Variants in EPHB1 observed in about 807,000 individuals in gnomAD.
EPHB1 encodes EPH receptor B1.
In EPHB1, 30 loss-of-function variants were observed where a neutral mutation model predicts 94.4. The observed-to-expected ratio is 0.32, with a 90% CI of 0.24 to 0.43. The LOEUF is 0.43. Ranked by LOEUF, EPHB1 falls within the 20% of genes least tolerant of loss-of-function variation. The probability of loss-of-function intolerance (pLI) is 1.00; values close to 1 mark genes in which losing one functional copy is unlikely to be tolerated. For missense variants in EPHB1, 1,055 were observed against 1,308.3 expected (o/e 0.81, Z 2.99); for synonymous variants, 522 against 489.1 (o/e 1.07, Z -0.89).
intron 3 of EPHB1, among the ~76,000 whole-genome samples, chr3:134,993,566 A>G (rs1934890657): frequency 1.3e-5 from 2 of 152,172 alleles, no homozygotes; most frequent in Non-Finnish European, 2.9e-5. Flanking sequence ...GCCCCAGTAC[A>G]AGGAGCCCAG....
chr3:134,902,816 C>T (rs776514423), intron 1 of EPHB1, among the ~76,000 whole-genome samples: 2 of 152,170 alleles, frequency 1.3e-5, no homozygotes, highest in Non-Finnish European at 2.9e-5. Flanking sequence ...GGCTCTTGGG[C>T]TTTATTTATG....
intron 1 of EPHB1, among the ~76,000 whole-genome samples, chr3:134,915,898 G>A (rs1341503045): frequency 6.6e-6 from 1 of 152,312 alleles, no homozygotes; most frequent in East Asian, 1.9e-4. Context: ...TCCACAGGGT[G>A]GGAGGGGACC....
intron 3 of EPHB1, among the ~76,000 whole-genome samples, chr3:134,970,458 C>T (rs1046335338): frequency 6.6e-6 from 1 of 152,178 alleles, no homozygotes; most frequent in South Asian, 2.1e-4. Flanking sequence ...CTTCAACAGC[C>T]TCCCATCTCC....
At chr3:135,143,269 T>A (rs1940891480) in intron 5 of EPHB1, among the ~76,000 whole-genome samples, 1 of 152,118 alleles carries the variant, frequency 6.6e-6, no homozygotes, top group Non-Finnish European at 1.5e-5. Flanking sequence ...AGAGTGGGCA[T>A]GGCAGGATGG....
At chr3:134,950,237 T>A (rs916019171) in intron 2 of EPHB1, among the ~76,000 whole-genome samples, 5 of 152,242 alleles carry the variant, frequency 3.3e-5, no homozygotes, top group African/African-American at 1.2e-4. Flanking sequence ...ACTTTTCTAA[T>A]GTGAATCATG....
chr3:134,853,341 G>C (rs944393394), intron 1 of EPHB1, among the ~76,000 whole-genome samples: 1 of 152,188 alleles, frequency 6.6e-6, no homozygotes, highest in African/African-American at 2.4e-5. Context: ...GACTCCTCAG[G>C]GCATGTAGGG....
intron 12 of EPHB1, among the ~76,000 whole-genome samples, chr3:135,207,671 G>C (rs1378753339): frequency 6.6e-6 from 1 of 152,212 alleles, no homozygotes; most frequent in Non-Finnish European, 1.5e-5. Context: ...GAGACTTAAA[G>C]AACAGTCACT....
intron 3 of EPHB1, among the ~76,000 whole-genome samples, chr3:135,019,488 T>C (rs1381242373): frequency 6.6e-6 from 1 of 152,176 alleles, no homozygotes; most frequent in Non-Finnish European, 1.5e-5. Flanking sequence ...TCTTTTCTAA[T>C]CACAGAAATA....
chr3:135,204,854 T>C (rs2107714179), intron 12 of EPHB1, among the ~76,000 whole-genome samples: 1 of 150,692 alleles, frequency 6.6e-6, no homozygotes, highest in East Asian at 1.9e-4. Flanking sequence ...AGTTACCCTG[T>C]TTTGCTATCA....
chr3:135,226,177 C>T (rs966074871), intron 12 of EPHB1, among the ~76,000 whole-genome samples: 1 of 152,200 alleles, frequency 6.6e-6, no homozygotes, highest in Non-Finnish European at 1.5e-5. Flanking sequence ...CATGGTCCAG[C>T]CTACACTACG....
At chr3:134,909,119 G>GGGGT (rs1354057493) in intron 1 of EPHB1, among the ~76,000 whole-genome samples, 1 of 117,130 alleles carries the variant, frequency 8.5e-6, no homozygotes, top group African/African-American at 3.1e-5. Context: ...TGGGGGCGGG[G>GGGGT]GGCGGGCTGG....
At chr3:134,814,724 G>T (rs547538292) in intron 1 of EPHB1, among the ~76,000 whole-genome samples, 1 of 152,340 alleles carries the variant, frequency 6.6e-6, no homozygotes, top group Admixed American at 6.5e-5. Flanking sequence ...TGTGAGGGAA[G>T]GCTCTGCATC....
intron 3 of EPHB1, among the ~76,000 whole-genome samples, chr3:135,001,762 T>A (rs756975388): frequency 2.6e-5 from 4 of 152,198 alleles, no homozygotes; most frequent in Non-Finnish European, 5.9e-5. Context: ...TCTTTCCTCA[T>A]AATGTATCTT....
chr3:135,020,892 TGA>T (rs1430724624), intron 3 of EPHB1, among the ~76,000 whole-genome samples: 1 of 152,216 alleles, frequency 6.6e-6, no homozygotes, highest in African/African-American at 2.4e-5. Flanking sequence ...AGTAATAGGG[TGA>T]GAGTCTAATT....
At position 135,241,137 on chromosome 3, in the gene EPHB1, C is replaced by G. The variant is rs1010933736; in HGVS notation, c.2347-11C>G. 6.2e-7 allele frequency: 1 copy of G among 1,614,188 alleles called. No individual in the cohort carries two copies. Among genetic ancestry groups the G allele is most frequent in the East Asian group, 2.2e-5 (1 of 44,876 alleles). On this transcript the variant is annotated splice_polypyrimidine_tract_variant and intron_variant, in intron 12 of 15. Transcript: ENST00000398015. ...GATTGTTGGGCTGACCACGGTTTCT[C>G]CTTCTTTCAGGGAGGGAAGATCCCT... is the stretch of plus-strand genomic sequence containing the variant.
intron 1 of EPHB1, among the ~76,000 whole-genome samples, chr3:134,870,084 G>C (rs1406097607): frequency 1.3e-5 from 2 of 152,174 alleles, no homozygotes; most frequent in Non-Finnish European, 2.9e-5. Context: ...AGTTATTAGT[G>C]CTTGGGTTTC....
intron 3 of EPHB1, among the ~76,000 whole-genome samples, chr3:134,977,730 T>A (rs7615874): frequency 0.017 from 2,600 of 152,148 alleles, 80 homozygotes; most frequent in African/African-American, 0.06. Context: ...TCCAGCCCCC[T>A]CCATCATTGG....
chr3:134,953,418 G>A (rs939629976), intron 3 of EPHB1, among the ~76,000 whole-genome samples: 57 of 152,362 alleles, frequency 3.7e-4, no homozygotes, highest in African/African-American at 1.3e-3. Context: ...AGGAGAGAGA[G>A]TGCCAGATCT....
Position 134,959,966 on chromosome 3 carries a change from CTTTTTTTTTTTTTTTTTTTTTTTT to C in EPHB1, c.805+7933_805+7956del, listed in dbSNP as rs61369813. 3.4e-4 allele frequency among the ~76,000 whole-genome samples: 36 copies of C among 107,422 alleles called. No individual in the cohort carries two copies. In the East Asian group the frequency reaches 4.5e-3, roughly 14 times the overall value. The allele number at this position is 107,422 out of a possible 152,430, so 70.5% of individuals were successfully genotyped here. A position where few individuals can be genotyped will look rare whatever the true frequency, so the allele number is the denominator to read the frequency against. On this transcript the variant is annotated intron_variant, in intron 3 of 15. Transcript: ENST00000398015. ...AGAATTTGAGCACAAACATCTGCACCTTTTTTTTTTTTTTTTTTTTTTTTTTTTTTTTTTTTTTTTTTGCATGGA... is the reference window on the plus strand; with the variant it reads ...AGAATTTGAGCACAAACATCTGCACCTTTTTTTTTTTTTTTTTTGCATGGA...
Sources: gnomAD v4.1 joint callset for allele counts (sites outside exome capture counted in the v4.1 genomes callset) on GRCh38, gnomAD v4.1.1 for gene constraint, MANE v1.5 for transcripts, NCBI Gene and HGNC (gene_info 2026-07-23, HGNC 2026-07-21) for gene names.